ADGRV1: variants seen among roughly 807,000 people sequenced by gnomAD.
ADGRV1 encodes adhesion G protein-coupled receptor V1, also known as G-protein coupled receptor 98.
Under a neutral mutation model 596.2 loss-of-function variants are expected in ADGRV1, and 359 were observed. The ratio of observed to expected loss-of-function variants is 0.60; its 90% confidence interval spans 0.55 to 0.66. ADGRV1 has a LOEUF of 0.66. Among genes scored for constraint, ADGRV1 ranks in the 30% least tolerant of loss-of-function variants. ADGRV1 has a pLI of 0.00. For synonymous variants in ADGRV1, 2,681 were observed against 2,679.2 expected (o/e 1.00, Z -0.02); for missense variants, 7,274 against 7,575.6 (o/e 0.96, Z 1.48).
intron 85 of ADGRV1, among the ~76,000 whole-genome samples, chr5:91,069,164 G>T (rs1332808756): frequency 6.6e-6 from 1 of 152,052 alleles, no homozygotes; most frequent in Non-Finnish European, 1.5e-5. Context: ...AGACTTAACT[G>T]TATAACCTAC....
rs1755689477 is a variant in ADGRV1, at chr5:90,755,102, A to G, written c.11497A>G (p.Asn3833Asp). The change falls in exon 55 of 90, where the codon AAT (asparagine) becomes GAT (aspartate). Residue 3833 changes from asparagine to aspartate, a missense_variant. Asn to Asp is a conservative substitution (Grantham distance 23, BLOSUM62 1). Around this residue, in one of 5 missense-constraint regions of ADGRV1, gnomAD observed 3,643 missense variants for 3,809.2 expected, o/e 0.96. Coordinates refer to ENST00000405460, the MANE Select transcript of ADGRV1 (RefSeq NM_032119.4). ...GCATGTCGATAATCAAGCTACTGAG[A>G]ATGAAGATTATGTATTGCAAGAAAC... ...LLHVDNQATE[N>D]EDYVLQETII... The G allele has an allele frequency of 6.2e-7, 1 of 1,610,384 alleles. No individual in the cohort carries two copies. The highest frequency in any genetic ancestry group is 1.7e-5 in the Admixed American group (1 of 59,966).
chr5:90,987,650 TATAC>T (rs909130592), intron 85 of ADGRV1, among the ~76,000 whole-genome samples: 1 of 152,034 alleles, frequency 6.6e-6, no homozygotes, highest in African/African-American at 2.4e-5. Context: ...ATATATTATT[TATAC>T]TAAAATATTG....
chr5:91,033,803 A>T (rs1056294415), intron 85 of ADGRV1, among the ~76,000 whole-genome samples: 4 of 152,114 alleles, frequency 2.6e-5, no homozygotes, highest in African/African-American at 9.7e-5. Context: ...TTTATTTTTT[A>T]AGCAGTTTAT....
intron 86 of ADGRV1, among the ~76,000 whole-genome samples, chr5:91,095,755 T>C (rs1208443074): frequency 2.0e-5 from 3 of 152,170 alleles, no homozygotes; most frequent in Non-Finnish European, 4.4e-5. Context: ...GTGTGCCTAC[T>C]GTTGGAAATA....
At chr5:90,753,172 A>G (rs1210215798) in intron 53 of ADGRV1, among the ~76,000 whole-genome samples, 2 of 152,212 alleles carry the variant, frequency 1.3e-5, no homozygotes, top group African/African-American at 2.4e-5. Flanking sequence ...AGAGTTAGTC[A>G]AAGGAAATAA....
At chr5:91,135,612 T>C (rs1023316363) in intron 87 of ADGRV1, among the ~76,000 whole-genome samples, 1 of 152,252 alleles carries the variant, frequency 6.6e-6, no homozygotes, top group African/African-American at 2.4e-5. Context: ...GTAGGGAATC[T>C]GGTTTTTCCT....
intron 1 of ADGRV1, among the ~76,000 whole-genome samples, chr5:90,590,200 A>C (rs1162971482): frequency 6.6e-6 from 1 of 152,220 alleles, no homozygotes; most frequent in Non-Finnish European, 1.5e-5. Flanking sequence ...GCTATGTAAG[A>C]AGCCATGTCC....
intron 87 of ADGRV1, among the ~76,000 whole-genome samples, chr5:91,145,606 C>T (rs752161902): frequency 4.0e-5 from 6 of 149,920 alleles, no homozygotes; most frequent in Middle Eastern, 3.4e-3. Flanking sequence ...GAAACTAATT[C>T]ACTTATTATC....
intron 85 of ADGRV1, among the ~76,000 whole-genome samples, chr5:91,040,174 A>G (rs540145549): frequency 1.7e-4 from 26 of 152,210 alleles, no homozygotes; most frequent in African/African-American, 6.0e-4. Context: ...AAATGCAGCT[A>G]TTTTTCTCTT....
intron 58 of ADGRV1, 102 bp downstream of exon 58, chr5:90,759,690 G>C: frequency 9.7e-7 from 1 of 1,025,850 alleles, no homozygotes; most frequent in Middle Eastern, 2.8e-4. Context: ...TCTTGGCCAG[G>C]CATGGTGGCT....
intron 85 of ADGRV1, among the ~76,000 whole-genome samples, chr5:91,068,012 C>G (rs1788031836): frequency 6.6e-6 from 1 of 152,146 alleles, no homozygotes; most frequent in Non-Finnish European, 1.5e-5. Flanking sequence ...GGTAATGATT[C>G]AGGCTTCATG....
At chr5:90,786,063 A>G (rs946891977) in intron 67 of ADGRV1, among the ~76,000 whole-genome samples, 26 of 152,296 alleles carry the variant, frequency 1.7e-4, no homozygotes, top group Middle Eastern at 3.4e-3. Flanking sequence ...ATGGAATACT[A>G]TGCAGCCATA....
chr5:90,903,563 G>A (rs1468730745), intron 83 of ADGRV1, among the ~76,000 whole-genome samples: 1 of 151,890 alleles, frequency 6.6e-6, no homozygotes, highest in Non-Finnish European at 1.5e-5. Context: ...AAAGAAATTA[G>A]CATGGACCTC....
chr5:90,844,692 A>AT (rs1317936131), intron 78 of ADGRV1, among the ~76,000 whole-genome samples: 3 of 152,114 alleles, frequency 2.0e-5, no homozygotes, highest in South Asian at 2.1e-4. Flanking sequence ...GTTGACTCTA[A>AT]TTTTTTGTTC....
intron 50 of ADGRV1, among the ~76,000 whole-genome samples, chr5:90,734,633 T>C (rs1204792392): frequency 7.0e-6 from 1 of 143,026 alleles, no homozygotes; most frequent in Non-Finnish European, 1.5e-5. Flanking sequence ...TCGCCCAGGC[T>C]AGAGTGCAGT....
rs955227117 is a variant in ADGRV1 at position 91,163,947 on chromosome 5, C to T, written c.*47C>T. On this transcript the variant is annotated 3_prime_UTR_variant, in exon 90 of 90. Transcript: ENST00000405460. ...GAGCACACTTTCATATTTGTATCAG[C>T]TTTTGTGCTAAAACTCTCTAAGTAC... The T allele has an allele frequency of 3.3e-6, 3 of 908,806 alleles. No homozygotes were observed. Among genetic ancestry groups the T allele is most frequent in the East Asian group, 2.6e-5 (1 of 38,818 alleles). 56.3% of individuals were successfully genotyped at this position (908,806 alleles called of 1,614,324 possible).
chr5:90,723,467 T>C (rs1751352280), intron 45 of ADGRV1, among the ~76,000 whole-genome samples: 1 of 152,184 alleles, frequency 6.6e-6, no homozygotes, highest in African/African-American at 2.4e-5. Context: ...TTTGCATGTG[T>C]TTTTTGGAAG....
intron 64 of ADGRV1, chr5:90,779,926 C>G (rs897119041): frequency 4.6e-5 from 7 of 152,286 alleles, no homozygotes; most frequent in Admixed American, 3.3e-4. Context: ...TACTCAGTGA[C>G]TTAAGTGTAT....
At chr5:90,973,461 C>G (rs573887361) in intron 84 of ADGRV1, among the ~76,000 whole-genome samples, 3 of 152,168 alleles carry the variant, frequency 2.0e-5, no homozygotes, top group Admixed American at 6.5e-5. Context: ...CAATAAAATA[C>G]TGACAAACCG....
Sources: gnomAD v4.1 joint callset for allele counts (sites outside exome capture counted in the v4.1 genomes callset) on GRCh38, gnomAD v4.1.1 for gene constraint, gnomAD v4.1.1 regional missense constraint, MANE v1.5 for transcripts, NCBI Gene and HGNC (gene_info 2026-07-23, HGNC 2026-07-21) for gene names.